The following MMP26 variants were observed in gnomAD, a reference collection of about 807,000 sequenced individuals.
MMP26 encodes matrix metallopeptidase 26.
Under a neutral mutation model 31.0 loss-of-function variants are expected in MMP26, and 33 were observed. That is an observed-to-expected ratio of 1.06 (90% CI 0.81 to 1.42). The LOEUF is 1.42. Among genes scored for constraint, MMP26 ranks in the 40% most tolerant of loss-of-function variants. MMP26 has a pLI of 0.00. For missense variants in MMP26, 347 were observed against 316.1 expected, an observed-to-expected ratio of 1.10 and a Z score of -0.74; for synonymous variants, 122 against 114.9, an observed-to-expected ratio of 1.06 and a Z score of -0.40.
At chr11:4,990,470 C>T in intron 4 of MMP26, 128 bp from the exon 5 acceptor site, 3 of 858,320 alleles carry the variant, frequency 3.5e-6, no homozygotes, top group African/African-American at 1.7e-5. Flanking sequence ...ATTAGCTCAA[C>T]TTTATAAATA....
At chr11:4,832,863 C>A in intron 2 of MMP26, 2 of 193,754 alleles carry the variant, frequency 1.0e-5, no homozygotes, top group Non-Finnish European at 2.2e-5. Flanking sequence ...CTGTGTGTCT[C>A]ATATCTGTGC....
intron 2 of MMP26, among the ~76,000 whole-genome samples, chr11:4,965,147 T>TG (rs1482881697): frequency 1.1e-4 from 17 of 152,308 alleles, no homozygotes; most frequent in South Asian, 8.3e-4. Flanking sequence ...TAATCAGATA[T>TG]GACCAGCCAC....
rs1232338817 is a variant in MMP26 at position 4,864,046 on chromosome 11, C to T, written c.-145+96705C>T. Reference sequence around the variant, plus strand: ...CAATTTCAGTTCAGTTCAGTGACTCCAAAGCCAGTCTCAGTCTCAGTGATG... The same window carrying T: ...CAATTTCAGTTCAGTTCAGTGACTCTAAAGCCAGTCTCAGTCTCAGTGATG... On this transcript the variant is annotated intron_variant, in intron 2 of 7. Coordinates refer to ENST00000380390, the MANE Select transcript of MMP26 (RefSeq NM_021801.5). Among the ~76,000 whole-genome samples the T allele has an allele frequency of 1.2e-4, 18 of 152,174 alleles. No individual in the cohort carries two copies. In the East Asian group the frequency reaches 3.5e-3, roughly 29 times the overall value.
At chr11:4,826,439 G>A (rs748481757) in intron 2 of MMP26, among the ~76,000 whole-genome samples, 14 of 152,246 alleles carry the variant, frequency 9.2e-5, no homozygotes, top group Non-Finnish European at 1.8e-4. Flanking sequence ...CTCAGCTTCA[G>A]TGCTGGCCTA....
chr11:4,826,097 G>A (rs145672224), intron 2 of MMP26, among the ~76,000 whole-genome samples: 159 of 152,208 alleles, frequency 1.0e-3, no homozygotes, highest in African/African-American at 3.7e-3. Context: ...CACTAGGCTG[G>A]TGAACTCACA....
At chr11:4,870,586 A>G (rs1850297519) in intron 2 of MMP26, among the ~76,000 whole-genome samples, 1 of 152,114 alleles carries the variant, frequency 6.6e-6, no homozygotes, top group African/African-American at 2.4e-5. Context: ...TCAAAATGGC[A>G]CACTGAATCA....
intron 2 of MMP26, among the ~76,000 whole-genome samples, chr11:4,775,949 A>C (rs1848786305): frequency 6.6e-6 from 1 of 151,708 alleles, no homozygotes; most frequent in Non-Finnish European, 1.5e-5. Flanking sequence ...TGCTCATTTC[A>C]CTCCCCTACC....
intron 2 of MMP26, among the ~76,000 whole-genome samples, chr11:4,927,838 A>G (rs1308031824): frequency 6.6e-6 from 1 of 152,104 alleles, no homozygotes; most frequent in Non-Finnish European, 1.5e-5. Flanking sequence ...AGGTCACAAG[A>G]GGCTGGGAAA....
chr11:4,930,869 A>G (rs1005188004), intron 2 of MMP26, among the ~76,000 whole-genome samples: 5 of 151,962 alleles, frequency 3.3e-5, no homozygotes, highest in African/African-American at 7.2e-5. Flanking sequence ...ATTTACATAC[A>G]TACTTTTATT....
chr11:4,958,187 C>G (rs1564815103), intron 2 of MMP26, among the ~76,000 whole-genome samples: 1 of 152,148 alleles, frequency 6.6e-6, no homozygotes, highest in Non-Finnish European at 1.5e-5. Context: ...CCTCCTATCC[C>G]CCCTTCCTCT....
rs540572047 is a variant in MMP26, at chr11:4,838,315, T to TAAA, written c.-145+71013_-145+71015dup. Among the ~76,000 whole-genome samples, 177 of 27,414 alleles carry TAAA rather than the reference T, an allele frequency of 6.5e-3. 65 individuals are homozygous for TAAA. Among genetic ancestry groups the TAAA allele is most frequent in the Non-Finnish European group, 0.014 (139 of 9,954 alleles). The allele number at this position is 27,414 out of a possible 152,430, so 18.0% of individuals were successfully genotyped here. A position where few individuals can be genotyped will look rare whatever the true frequency, so the allele number is the denominator to read the frequency against. ...CCAGGGCACAGGGCAAGACTCTGTC[T>TAAA]AAAAAAAAAAAAAAAAAAAAAAAAA... On this transcript the variant is annotated intron_variant, in intron 2 of 7. Coordinates refer to ENST00000380390, the MANE Select transcript of MMP26 (RefSeq NM_021801.5).
At chr11:4,848,378 C>T (rs1317195638) in intron 2 of MMP26, 18 of 1,613,924 alleles carry the variant, frequency 1.1e-5, no homozygotes, top group Non-Finnish European at 1.5e-5. Flanking sequence ...TATGGGTATG[C>T]TGAGTGATTG....
intron 2 of MMP26, among the ~76,000 whole-genome samples, chr11:4,858,203 A>G (rs577289449): frequency 6.6e-6 from 1 of 152,164 alleles, no homozygotes; most frequent in African/African-American, 2.4e-5. Flanking sequence ...CCTATTCAAC[A>G]TAGTATTGGA....
intron 2 of MMP26, among the ~76,000 whole-genome samples, chr11:4,971,066 T>C (rs1327120646): frequency 6.6e-6 from 1 of 151,946 alleles, no homozygotes; most frequent in Non-Finnish European, 1.5e-5. Context: ...TCACAAACCA[T>C]CATGAAAAAA....
chr11:4,937,410 C>T (rs1036948760), intron 2 of MMP26: 1 of 152,284 alleles, frequency 6.6e-6, no homozygotes, highest in African/African-American at 2.4e-5. Context: ...GGTGGGTCTT[C>T]ACACAGTACA....
rs910371019 is a variant in MMP26 at position 4,923,768 on chromosome 11, C to A, written c.-144-64300C>A. The A allele has an allele frequency of 5.0e-6, 8 of 1,613,958 alleles. No homozygotes were observed. The highest frequency in any genetic ancestry group is 1.7e-5 in the Admixed American group (1 of 59,992). On this transcript the variant is annotated intron_variant, in intron 2 of 7. Transcript: ENST00000380390. ...GATGTGATTGACAATGATGCTAGAGCAGGCCAGCTTCATGATCTCCAGGTG... is the reference window on the plus strand; with the variant it reads ...GATGTGATTGACAATGATGCTAGAGAAGGCCAGCTTCATGATCTCCAGGTG...
rs2133612582 is a variant in MMP26, at chr11:4,953,456, T to TAATAAAG, written c.-144-34598_-144-34592dup. On this transcript the variant is annotated intron_variant, in intron 2 of 7. Coordinates refer to ENST00000380390, the MANE Select transcript of MMP26 (RefSeq NM_021801.5). ...TATCTATAATTGCAAATATTAAGTA[T>TAATAAAG]AATAAAGAATAAAGAATAAACAAGT... 1.7e-5 allele frequency among the ~76,000 whole-genome samples: 2 copies of TAATAAAG among 120,830 alleles called. 1 individual carries two copies. The highest frequency in any genetic ancestry group is 5.6e-5 in the African/African-American group (2 of 35,968). The allele number at this position is 120,830 out of a possible 152,430, so 79.3% of individuals were successfully genotyped here. A position where few individuals can be genotyped will look rare whatever the true frequency, so the allele number is the denominator to read the frequency against.
At chr11:4,858,560 A>G (rs887385986) in intron 2 of MMP26, among the ~76,000 whole-genome samples, 5 of 152,336 alleles carry the variant, frequency 3.3e-5, no homozygotes, top group African/African-American at 9.6e-5. Flanking sequence ...CCACTGCTCA[A>G]CAAAATAAAA....
At chr11:4,728,694 A>G (rs1422297304) in intron 1 of MMP26, among the ~76,000 whole-genome samples, 1 of 152,130 alleles carries the variant, frequency 6.6e-6, no homozygotes, top group African/African-American at 2.4e-5. Context: ...CCCTCTTAAT[A>G]GTCTTCCCCT....
Sources: allele counts gnomAD v4.1 joint callset (sites outside exome capture counted in the v4.1 genomes callset), GRCh38; gene constraint gnomAD v4.1.1; transcripts MANE v1.5; gene names NCBI Gene and HGNC (gene_info 2026-07-23, HGNC 2026-07-21).